Variants in LRFN2 observed in about 807,000 individuals in gnomAD.
LRFN2 encodes leucine rich repeat and fibronectin type III domain containing 2, also known as leucine-rich repeat and fibronectin type-III domain-containing protein 2.
LRFN2 carries 18 observed loss-of-function variants against 37.3 expected under a neutral mutation model. The observed-to-expected ratio is 0.48, with a 90% CI of 0.33 to 0.72. LRFN2 has a LOEUF of 0.72. Ranked by LOEUF, LRFN2 falls within the 30% of genes least tolerant of loss-of-function variation. The pLI, the probability that LRFN2 is intolerant of heterozygous loss-of-function variation, is 0.02. For synonymous variants in LRFN2, 556 were observed against 466.6 expected (o/e 1.19, Z -2.47); for missense variants, 1,006 against 1,060.7 (o/e 0.95, Z 0.72).
intron 1 of LRFN2, among the ~76,000 whole-genome samples, chr6:40,437,796 G>A (rs1763725609): frequency 6.6e-6 from 1 of 152,208 alleles, no homozygotes; most frequent in Non-Finnish European, 1.5e-5. Flanking sequence ...GACAAATGCT[G>A]TAAAGAGGAA....
rs149596741 is a variant in LRFN2 at position 40,582,319 on chromosome 6, A to G, written c.-19+4622T>C. Reference sequence around the variant, plus strand: ...GGGTGAATTAATATAGGACATGCCAATAATAAATGCAGTGAAATCTAAAGA... The same window carrying G: ...GGGTGAATTAATATAGGACATGCCAGTAATAAATGCAGTGAAATCTAAAGA... On this transcript the variant is annotated intron_variant, in intron 1 of 2. Coordinates refer to ENST00000338305, the MANE Select transcript of LRFN2 (RefSeq NM_020737.3). Among the ~76,000 whole-genome samples the G allele has an allele frequency of 1.6e-3, 238 of 151,984 alleles. 1 individual carries two copies. The highest frequency in any genetic ancestry group is 5.7e-3 in the African/African-American group (235 of 41,464).
At chr6:40,434,390 T>C (rs1763591521) in intron 1 of LRFN2, among the ~76,000 whole-genome samples, 1 of 152,242 alleles carries the variant, frequency 6.6e-6, no homozygotes, top group Admixed American at 6.5e-5. Context: ...AGCAAAATGA[T>C]AGCCAGTTGA....
At chr6:40,456,055 G>T (rs918346848) in intron 1 of LRFN2, among the ~76,000 whole-genome samples, 1 of 152,094 alleles carries the variant, frequency 6.6e-6, no homozygotes, top group Non-Finnish European at 1.5e-5. Flanking sequence ...GGAGAGACCC[G>T]CAGGTTGACA....
intron 1 of LRFN2, among the ~76,000 whole-genome samples, chr6:40,577,835 A>AAAAT (rs1297915937): frequency 1.3e-4 from 6 of 45,886 alleles, no homozygotes; most frequent in East Asian, 3.5e-4. Flanking sequence ...AAAAATAAAT[A>AAAAT]AAAATAAAAG....
intron 2 of LRFN2, among the ~76,000 whole-genome samples, chr6:40,428,358 A>G (rs1763402098): frequency 1.3e-5 from 2 of 152,230 alleles, no homozygotes; most frequent in Admixed American, 1.3e-4. Flanking sequence ...CTTTCTCTGT[A>G]CAGCATGTGC....
chr6:40,513,218 A>G (rs1037002302), intron 1 of LRFN2, among the ~76,000 whole-genome samples: 1 of 151,338 alleles, frequency 6.6e-6, no homozygotes, highest in Non-Finnish European at 1.5e-5. Context: ...AGTTAACAAT[A>G]CGCCCTCATT....
intron 1 of LRFN2, among the ~76,000 whole-genome samples, chr6:40,444,038 C>T (rs1290616974): frequency 6.6e-6 from 1 of 152,160 alleles, no homozygotes; most frequent in Non-Finnish European, 1.5e-5. Flanking sequence ...GCTGATGCCC[C>T]CCAATGGCCA....
rs1763555633 is a variant in LRFN2 at position 40,433,119 on chromosome 6, G to T, written c.-6C>A. On this transcript the variant is annotated 5_prime_UTR_variant, in exon 2 of 3. Coordinates refer to ENST00000338305, the MANE Select transcript of LRFN2 (RefSeq NM_020737.3). Reference sequence around the variant, plus strand: ...CCACCAAGCAGGGTCTCCATGGTCTGGTCACTCAGCGCCTGGAAGGGAGAA... The same window carrying T: ...CCACCAAGCAGGGTCTCCATGGTCTTGTCACTCAGCGCCTGGAAGGGAGAA... 2 of 1,517,826 alleles carry T rather than the reference G, an allele frequency of 1.3e-6. No homozygotes were observed. The highest frequency in any genetic ancestry group is 1.8e-6 in the Non-Finnish European group (2 of 1,134,524). The allele number at this position is 1,517,826 out of a possible 1,614,324, so 94.0% of individuals were successfully genotyped here.
At chr6:40,509,660 T>G (rs1489713564) in intron 1 of LRFN2, among the ~76,000 whole-genome samples, 2 of 150,786 alleles carry the variant, frequency 1.3e-5, no homozygotes, top group African/African-American at 4.9e-5. Context: ...AACACAGGAC[T>G]GCGCAGGCAG....
In LRFN2 at chr6:40,432,276, G is replaced by T; in HGVS notation, c.838C>A (p.Arg280Ser). Residue 280 changes from arginine to serine, a missense_variant, in exon 2 of 3, where the codon CGT becomes AGT. Transcript: ENST00000338305. ...GGCTCGCACACAAACTCCTCCTCAC[G>T]CACATGCCAGAAGTAGCGACCCTTG... is the stretch of plus-strand genomic sequence containing the variant. The part of the protein sequence containing the change: ...GLKGRYFWHV[R>S]EEEFVCEPPL... The T allele has an allele frequency of 6.2e-7, 1 of 1,614,008 alleles. No homozygotes were observed. The highest frequency in any genetic ancestry group is 8.5e-7 in the Non-Finnish European group (1 of 1,180,032).
intron 1 of LRFN2, among the ~76,000 whole-genome samples, chr6:40,545,544 G>A (rs971326457): frequency 1.3e-5 from 2 of 152,220 alleles, no homozygotes; most frequent in Admixed American, 6.5e-5. Context: ...TGCCTGCAGT[G>A]GAGTGGTGGA....
At chr6:40,463,804 G>A (rs1054692930) in intron 1 of LRFN2, among the ~76,000 whole-genome samples, 2 of 149,150 alleles carry the variant, frequency 1.3e-5, no homozygotes, top group African/African-American at 4.9e-5. Flanking sequence ...AGCTTCACAA[G>A]TAGCTGAGAC....
chr6:40,514,713 A>G (rs1186344011), intron 1 of LRFN2, among the ~76,000 whole-genome samples: 1 of 152,222 alleles, frequency 6.6e-6, no homozygotes, highest in Non-Finnish European at 1.5e-5. Flanking sequence ...TTGGCTTTTG[A>G]CTTTTACAAT....
chr6:40,508,448 G>C (rs543915684), intron 1 of LRFN2, among the ~76,000 whole-genome samples: 4 of 152,186 alleles, frequency 2.6e-5, no homozygotes, highest in Admixed American at 2.0e-4. Flanking sequence ...AGTGGGTGGT[G>C]GGGGGGATCC....
chr6:40,400,120 A>G (rs368700588), intron 2 of LRFN2, among the ~76,000 whole-genome samples: 1 of 151,692 alleles, frequency 6.6e-6, no homozygotes, highest in Admixed American at 6.6e-5. Flanking sequence ...CCCTCCTCCC[A>G]CAACCACTCT....
chr6:40,566,484 C>G (rs148190804), intron 1 of LRFN2, among the ~76,000 whole-genome samples: 1 of 152,122 alleles, frequency 6.6e-6, no homozygotes, highest in East Asian at 1.9e-4. Flanking sequence ...GGAACCAACC[C>G]AAATGTCCAA....
chr6:40,443,437 A>G (rs558615528), intron 1 of LRFN2, among the ~76,000 whole-genome samples: 2 of 152,336 alleles, frequency 1.3e-5, no homozygotes, highest in Admixed American at 1.3e-4. Context: ...AAGGGTCAGG[A>G]TGAGATACGG....
At chr6:40,533,370 T>G (rs1561898505) in intron 1 of LRFN2, among the ~76,000 whole-genome samples, 1 of 119,264 alleles carries the variant, frequency 8.4e-6, no homozygotes, top group Non-Finnish European at 1.6e-5. Context: ...CCTCTCTTGC[T>G]CAAAACACAC....
chr6:40,432,387 G>C lies in LRFN2; in HGVS notation c.727C>G (p.Pro243Ala). ...PPLSFSFGGN[P>A]LHCNCELLWL... Reference sequence around the variant, plus strand: ...AGAAGCTCACAATTGCAGTGAAGTGGGTTACCCCCAAAACTAAAGGACAAG... The same window carrying C: ...AGAAGCTCACAATTGCAGTGAAGTGCGTTACCCCCAAAACTAAAGGACAAG... Residue 243 changes from proline to alanine, a missense_variant, in exon 2 of 3, where the codon CCA (proline) becomes GCA (alanine). By Grantham distance (27) the Pro-to-Ala change is conservative. Coordinates refer to ENST00000338305, the MANE Select transcript of LRFN2 (RefSeq NM_020737.3). 4 of 1,614,156 alleles carry C rather than the reference G, an allele frequency of 2.5e-6. No individual in the cohort carries two copies. Among genetic ancestry groups the C allele is most frequent in the Non-Finnish European group, 3.4e-6 (4 of 1,180,050 alleles).
Sources: allele counts gnomAD v4.1 joint callset (sites outside exome capture counted in the v4.1 genomes callset), GRCh38; gene constraint gnomAD v4.1.1; transcripts MANE v1.5; gene names NCBI Gene and HGNC (gene_info 2026-07-23, HGNC 2026-07-21).